The following SYNE2 variants were observed in gnomAD, a reference collection of about 807,000 sequenced individuals.
SYNE2 encodes the protein spectrin repeat containing nuclear envelope protein 2.
SYNE2 carries 431 observed loss-of-function variants against 856.3 expected under a neutral mutation model. The observed-to-expected ratio is 0.50, with a 90% confidence interval of 0.47 to 0.55. The LOEUF (loss-of-function observed/expected upper bound fraction) is 0.55, where lower values mean the gene tolerates loss of function less well. Ranked by LOEUF, SYNE2 falls within the 20% of genes least tolerant of loss-of-function variation. The pLI, the probability that SYNE2 is intolerant of heterozygous loss-of-function variation, is 0.00. For missense variants in SYNE2, 8,129 were observed against 8,023.2 expected (o/e 1.01, Z -0.50); for synonymous variants, 2,923 against 2,872.3 (o/e 1.02, Z -0.56).
chr14:64,077,375 C>A (rs1409206054), intron 54 of SYNE2, among the ~76,000 whole-genome samples: 1 of 64,484 alleles, frequency 1.6e-5, no homozygotes, highest in East Asian at 3.8e-4. Context: ...TAATATGGAA[C>A]CAAAGTGGGA....
chr14:63,981,715 A>G (rs1317135791), intron 16 of SYNE2, among the ~76,000 whole-genome samples: 1 of 152,138 alleles, frequency 6.6e-6, no homozygotes, highest in African/African-American at 2.4e-5. Context: ...CTGTTCTATG[A>G]TTATCTGAGG....
At chr14:63,909,773 G>A (rs1234315928) in intron 2 of SYNE2, among the ~76,000 whole-genome samples, 2 of 152,160 alleles carry the variant, frequency 1.3e-5, no homozygotes, top group African/African-American at 4.8e-5. Flanking sequence ...CCCGGGAGGC[G>A]GAGGTTGCAG....
At chr14:64,066,646 C>A (rs1255079854) in intron 51 of SYNE2, among the ~76,000 whole-genome samples, 1 of 152,182 alleles carries the variant, frequency 6.6e-6, no homozygotes, top group Non-Finnish European at 1.5e-5. Context: ...TGAATAGTCT[C>A]TTGAAATGTT....
At chr14:64,035,469 C>T (rs942164708) in intron 45 of SYNE2, among the ~76,000 whole-genome samples, 1 of 148,844 alleles carries the variant, frequency 6.7e-6, no homozygotes, top group East Asian at 2.0e-4. Context: ...GGTATTTTCA[C>T]AATCCAAAAT....
chr14:64,203,504 A>C (rs1210710727), intron 100 of SYNE2, among the ~76,000 whole-genome samples: 2 of 152,310 alleles, frequency 1.3e-5, no homozygotes, highest in East Asian at 3.9e-4. Flanking sequence ...GAAATTGGGC[A>C]GTTTGAAAGC....
intron 54 of SYNE2, 81 bp downstream of exon 54, chr14:64,076,181 T>G: frequency 6.7e-7 from 1 of 1,492,302 alleles, no homozygotes; most frequent in Non-Finnish European, 9.2e-7. Context: ...AATGTCAAAT[T>G]CCATTTGCCA....
intron 6 of SYNE2, among the ~76,000 whole-genome samples, chr14:63,945,887 C>T (rs536666770): frequency 5.9e-5 from 9 of 152,270 alleles, no homozygotes; most frequent in African/African-American, 9.6e-5. Flanking sequence ...CTGCTCAGAA[C>T]GTTCTTGTAT....
At chr14:63,870,175 C>T (rs1436222042) in intron 1 of SYNE2, among the ~76,000 whole-genome samples, 1 of 152,168 alleles carries the variant, frequency 6.6e-6, no homozygotes, top group African/African-American at 2.4e-5. Context: ...TTCTCTCCCA[C>T]CACACCCTGC....
At chr14:64,178,850 C>T (rs2098446000) in intron 96 of SYNE2, among the ~76,000 whole-genome samples, 1 of 152,160 alleles carries the variant, frequency 6.6e-6, no homozygotes, top group Admixed American at 6.5e-5. Flanking sequence ...GCGGGAGGAT[C>T]CCTTGAGTCC....
chr14:64,051,503 TA>T, intron 47 of SYNE2, 53 bp from the exon 48 acceptor site: 2 of 1,473,812 alleles, frequency 1.4e-6, no homozygotes, highest in Non-Finnish European at 1.8e-6. Context: ...ATCCACATTT[TA>T]ATGTAGAATA....
At chr14:64,163,728 A>G (rs2098347913) in intron 89 of SYNE2, 147 bp downstream of exon 89, 2 of 858,246 alleles carry the variant, frequency 2.3e-6, no homozygotes, top group Admixed American at 4.2e-5. Flanking sequence ...ATACGATTCT[A>G]GCTTCAATCA....
chr14:63,814,788 CCATAT>C (rs1888816636), intron 1 of SYNE2, among the ~76,000 whole-genome samples: 1 of 88,974 alleles, frequency 1.1e-5, no homozygotes, highest in Non-Finnish European at 2.2e-5. Context: ...CCATATATAT[CCATAT>C]ATATCCATAT....
intron 96 of SYNE2, among the ~76,000 whole-genome samples, chr14:64,182,162 T>A (rs899902426): frequency 6.6e-6 from 1 of 152,212 alleles, no homozygotes; most frequent in African/African-American, 2.4e-5. Flanking sequence ...GCTGTCCTGA[T>A]ACTGCAGAGT....
rs981753159 is a variant in SYNE2, at chr14:64,193,756, T to C, written c.18038+3519T>C. On this transcript the variant is annotated intron_variant, in intron 99 of 115. Transcript: ENST00000555002. ...TTAGATTTCTGATCATTTCAGGTGG[T>C]AGCCTCCATTGTTGGATAGATAGGA... 1.1e-4 allele frequency among the ~76,000 whole-genome samples: 17 copies of C among 152,342 alleles called. No individual in the cohort carries two copies. In the South Asian group the frequency reaches 3.5e-3, roughly 32 times the overall value.
chr14:63,885,594 A>G (rs1382549658), intron 1 of SYNE2, among the ~76,000 whole-genome samples: 1 of 151,718 alleles, frequency 6.6e-6, no homozygotes, highest in African/African-American at 2.4e-5. Context: ...TACTTGTTCT[A>G]TTTTTAATTT....
intron 6 of SYNE2, among the ~76,000 whole-genome samples, chr14:63,946,470 T>C (rs1185556773): frequency 6.7e-5 from 10 of 148,772 alleles, no homozygotes; most frequent in Non-Finnish European, 1.0e-4. Context: ...GATATAGATA[T>C]AGATACACAG....
Position 64,070,763 on chromosome 14 carries a change from A to G in SYNE2, c.10550A>G (p.Tyr3517Cys). The G allele has an allele frequency of 6.2e-7, 1 of 1,614,232 alleles. No homozygotes were observed. Among genetic ancestry groups the G allele is most frequent in the Non-Finnish European group, 8.5e-7 (1 of 1,180,030 alleles). Residue 3517 changes from tyrosine to cysteine, a missense_variant, in exon 52 of 116, where the codon TAT (tyrosine) becomes TGT (cysteine). Coordinates refer to ENST00000555002, the MANE Select transcript of SYNE2 (RefSeq NM_182914.3). ...LSELLDCLCQ[Y>C]GENVEKQQLL... ...GAGCTGCTAGACTGTTTATGCCAAT[A>G]TGGAGAGAACGTGGAGAAGCAACAG...
rs766798501 is a variant in SYNE2 at position 64,150,321 on chromosome 14, A to AAAAG, written c.15640-2243_15640-2242insAAAG. Among the ~76,000 whole-genome samples, 30 of 119,482 alleles carry AAAAG rather than the reference A, an allele frequency of 2.5e-4. 1 individual carries two copies. The highest frequency in any genetic ancestry group is 6.0e-4 in the African/African-American group (19 of 31,540). The allele number at this position is 119,482 out of a possible 152,430, so 78.4% of individuals were successfully genotyped here. On this transcript the variant is annotated intron_variant, in intron 84 of 115. Transcript: ENST00000555002. The stretch of plus-strand genomic sequence containing the variant: ...AAAAAAAAAAAAAAAAAAAAAAAAA[A>AAAAG]GGATCCTCCCGCCTCAGCCTCTCAA...
In SYNE2 at chr14:64,113,507, T is replaced by C. The variant is rs1331050146; in HGVS notation, c.12776T>C (p.Val4259Ala). The change falls in exon 66 of 116, where the codon GTT (valine) becomes GCT (alanine). Residue 4259 changes from valine to alanine, a missense_variant. Physicochemically the swap from Val to Ala is moderately conservative, Grantham distance 64. This residue lies in a region of SYNE2 where 5,410 missense variants were observed against 5,284.8 expected (regional missense o/e 1.02). Coordinates refer to ENST00000555002, the MANE Select transcript of SYNE2 (RefSeq NM_182914.3). ...TGGCTGCAACAAGCCAACGTGGCAG[T>C]TGAGCCGGAAACATTAAACGCAGAC... is the stretch of plus-strand genomic sequence containing the variant. The part of the protein sequence containing the change: ...ELWLQQANVA[V>A]EPETLNADMQ... 13 of 1,613,966 alleles carry C rather than the reference T, an allele frequency of 8.1e-6. No individual in the cohort carries two copies. Among genetic ancestry groups the C allele is most frequent in the East Asian group, 2.2e-5 (1 of 44,882 alleles).
Sources: allele counts gnomAD v4.1 joint callset (sites outside exome capture counted in the v4.1 genomes callset), GRCh38; gene constraint gnomAD v4.1.1; regional missense constraint gnomAD v4.1.1; transcripts MANE v1.5; gene names NCBI Gene and HGNC (gene_info 2026-07-23, HGNC 2026-07-21).